MSRA: variants seen among roughly 807,000 people sequenced by gnomAD.
The protein encoded by MSRA is methionine sulfoxide reductase A.
MSRA carries 54 observed loss-of-function variants against 31.3 expected under a neutral mutation model. That is an observed-to-expected ratio of 1.73 (90% CI 1.39 to 2.17). The LOEUF (loss-of-function observed/expected upper bound fraction) is 2.17, where lower values mean the gene tolerates loss of function less well. Ranked by LOEUF, MSRA falls within the 30% of genes most tolerant of loss-of-function variation. The pLI is 0.00. For synonymous variants in MSRA, 169 were observed against 116.5 expected (o/e 1.45, Z -2.90); for missense variants, 507 against 300.9 (o/e 1.69, Z -5.07).
At chr8:10,204,798 G>A (rs1480561376) in intron 1 of MSRA, among the ~76,000 whole-genome samples, 2 of 152,124 alleles carry the variant, frequency 1.3e-5, no homozygotes, top group Non-Finnish European at 2.9e-5. Flanking sequence ...TACCTCACTC[G>A]TTAATTTAAC....
intron 5 of MSRA, among the ~76,000 whole-genome samples, chr8:10,425,175 A>C (rs941290605): frequency 6.6e-5 from 10 of 151,964 alleles, no homozygotes; most frequent in African/African-American, 2.2e-4. Context: ...GGGAAGGACA[A>C]CCGAAGCCTG....
intron 5 of MSRA, among the ~76,000 whole-genome samples, chr8:10,347,863 A>G (rs1803882172): frequency 6.6e-6 from 1 of 152,184 alleles, no homozygotes; most frequent in African/African-American, 2.4e-5. Context: ...CGCAGCTTAA[A>G]CAATGACTGA....
At chr8:10,111,484 G>C (rs567307658) in intron 1 of MSRA, among the ~76,000 whole-genome samples, 2 of 152,106 alleles carry the variant, frequency 1.3e-5, no homozygotes, top group Non-Finnish European at 2.9e-5. Flanking sequence ...ATGATTTGTC[G>C]ATCTTTTCCC....
intron 2 of MSRA, among the ~76,000 whole-genome samples, chr8:10,237,510 G>T (rs1812045998): frequency 6.6e-6 from 1 of 152,142 alleles, no homozygotes; most frequent in African/African-American, 2.4e-5. Flanking sequence ...AATTTTAAAG[G>T]ATATGTTATG....
At chr8:10,128,704 A>G (rs543000059) in intron 1 of MSRA, among the ~76,000 whole-genome samples, 1 of 152,328 alleles carries the variant, frequency 6.6e-6, no homozygotes, top group Admixed American at 6.5e-5. Flanking sequence ...GACAGCAGCT[A>G]CAGTAGTGTA....
chr8:10,124,054 T>C (rs1353455934), intron 1 of MSRA, among the ~76,000 whole-genome samples: 1 of 151,712 alleles, frequency 6.6e-6, no homozygotes, highest in Non-Finnish European at 1.5e-5. Context: ...ATTGCAGAGG[T>C]CGAGGGGCTT....
At chr8:10,183,772 C>CTGGTGGTGGTGGTGGTGG (rs144951163) in intron 1 of MSRA, among the ~76,000 whole-genome samples, 1 of 141,892 alleles carries the variant, frequency 7.0e-6, no homozygotes, top group Admixed American at 6.9e-5. Flanking sequence ...ACAAGCTGAG[C>CTGGTGGTGGTGGTGGTGG]TGGTGGTGGT....
At chr8:10,211,538 A>G (rs1221016935) in intron 2 of MSRA, among the ~76,000 whole-genome samples, 3 of 152,142 alleles carry the variant, frequency 2.0e-5, no homozygotes, top group Non-Finnish European at 2.9e-5. Context: ...GTGGAGCCAC[A>G]CATTTTGCAA....
chr8:10,116,380 A>G (rs184955240), intron 1 of MSRA, among the ~76,000 whole-genome samples: 4 of 152,336 alleles, frequency 2.6e-5, no homozygotes, highest in African/African-American at 7.2e-5. Context: ...TATAGTATTA[A>G]TGCATCACAT....
chr8:10,185,798 G>T (rs912092698), intron 1 of MSRA, among the ~76,000 whole-genome samples: 1 of 152,138 alleles, frequency 6.6e-6, no homozygotes, highest in Non-Finnish European at 1.5e-5. Context: ...CACTCATCTT[G>T]CAAGGCTCAA....
intron 1 of MSRA, among the ~76,000 whole-genome samples, chr8:10,116,954 G>A (rs1018759501): frequency 2.0e-5 from 3 of 152,154 alleles, no homozygotes; most frequent in South Asian, 2.1e-4. Context: ...CAACAAGAGC[G>A]AAACTCCAAG....
At chr8:10,267,162 C>A (rs778987895) in intron 3 of MSRA, among the ~76,000 whole-genome samples, 4 of 152,190 alleles carry the variant, frequency 2.6e-5, no homozygotes, top group Non-Finnish European at 5.9e-5. Context: ...CCACCCGCTC[C>A]CGGTTGTAGT....
intron 1 of MSRA, among the ~76,000 whole-genome samples, chr8:10,174,434 T>C (rs1291190016): frequency 1.3e-5 from 2 of 152,120 alleles, no homozygotes; most frequent in Admixed American, 1.3e-4. Context: ...AACCATGCTT[T>C]TCCCACAACC....
rs1333702671 is a variant in MSRA, at chr8:10,096,023, C to G, written c.142+41365C>G. 14 of 1,454,190 alleles carry G rather than the reference C, an allele frequency of 9.6e-6. No individual in the cohort carries two copies. The East Asian group carries it at 3.3e-4, about 35-fold the overall frequency. 90.1% of individuals were successfully genotyped at this position (1,454,190 alleles called of 1,614,324 possible). ...CTTTCAAATCAAATCAGAAAGACAT[C>G]CTTCGGAATGTGTTCAGAACGTAAG... On this transcript the variant is annotated intron_variant, in intron 1 of 5. Transcript: ENST00000317173.
At chr8:10,060,139 A>G (rs1563383757) in intron 1 of MSRA, among the ~76,000 whole-genome samples, 1 of 152,134 alleles carries the variant, frequency 6.6e-6, no homozygotes, top group Non-Finnish European at 1.5e-5. Context: ...ACTGCTATGC[A>G]TGCCAAATGA....
intron 3 of MSRA, among the ~76,000 whole-genome samples, chr8:10,266,434 GTTA>G (rs1315916966): frequency 1.3e-5 from 2 of 152,210 alleles, no homozygotes; most frequent in East Asian, 3.9e-4. Flanking sequence ...TTTTTATTGG[GTTA>G]TTTTCTCATT....
intron 1 of MSRA, among the ~76,000 whole-genome samples, chr8:10,121,791 C>T: frequency 6.6e-6 from 1 of 151,970 alleles, no homozygotes; most frequent in East Asian, 1.9e-4. Context: ...CCACCTCAGC[C>T]TCCCAAGTAG....
At chr8:10,208,108 C>G (rs1007681419) in intron 2 of MSRA, among the ~76,000 whole-genome samples, 2 of 152,132 alleles carry the variant, frequency 1.3e-5, no homozygotes, top group Non-Finnish European at 2.9e-5. Flanking sequence ...TTTATTTTCT[C>G]ACGTTGACAA....
chr8:10,088,141 A>T lies in MSRA; in HGVS notation c.142+33483A>T, dbSNP rs183198891. Among the ~76,000 whole-genome samples the T allele has an allele frequency of 1.4e-3, 215 of 152,120 alleles. 2 individuals carry two copies. Among genetic ancestry groups the T allele is most frequent in the African/African-American group, 4.0e-3 (165 of 41,500 alleles). On this transcript the variant is annotated intron_variant, in intron 1 of 5. Transcript: ENST00000317173. ...ATTTTGACTTCCTGTTTCTTCTGCC[A>T]CTCTCAAGAGACTTCTGTTAAGTCT...
Sources: gnomAD v4.1 joint callset for allele counts (sites outside exome capture counted in the v4.1 genomes callset) on GRCh38, gnomAD v4.1.1 for gene constraint, MANE v1.5 for transcripts, NCBI Gene and HGNC (gene_info 2026-07-23, HGNC 2026-07-21) for gene names.